The following ZNF275 variants were observed in gnomAD, a reference collection of about 807,000 sequenced individuals.
ZNF275 encodes the protein zinc finger protein 275.
ZNF275 carries 4 observed loss-of-function variants against 4.3 expected under a neutral mutation model. The observed-to-expected ratio is 0.93, with a 90% CI of 0.46 to 2.13. ZNF275 has a LOEUF of 2.13. Ranked by LOEUF, ZNF275 falls within the 30% of genes most tolerant of loss-of-function variation. The pLI, the probability that ZNF275 is intolerant of heterozygous loss-of-function variation, is 0.02. For synonymous variants in ZNF275, 173 were observed against 166.9 expected (o/e 1.04, Z -0.28); for missense variants, 352 against 397.1 (o/e 0.89, Z 0.97).
In ZNF275 at chrX:153,340,286, G is replaced by A. The variant is rs144446708; in HGVS notation, c.31+3576G>A. ...TGGGGCTAGATGAGGCCTTCTGCCC[G>A]CACTTCTTAGGTGCTGATAGCTTGC... On this transcript the variant is annotated intron_variant, in intron 2 of 3. Coordinates refer to ENST00000650114, the MANE Select transcript of ZNF275 (RefSeq NM_001367757.1). Among the ~76,000 whole-genome samples, 42 of 112,248 alleles carry A rather than the reference G, an allele frequency of 3.7e-4. No homozygotes were observed. The East Asian group carries it at 5.9e-3, about 16-fold the overall frequency.
At chrX:153,343,198 G>A (rs1286239241) in intron 2 of ZNF275, among the ~76,000 whole-genome samples, 1 of 112,171 alleles carries the variant, frequency 8.9e-6, no homozygotes, top group Admixed American at 9.3e-5. Context: ...GCAGCCAAAC[G>A]TGGAAGTTTC....
At chrX:153,335,718 T>G (rs925278560) in intron 1 of ZNF275, among the ~76,000 whole-genome samples, 1 of 109,788 alleles carries the variant, frequency 9.1e-6, no homozygotes, top group African/African-American at 3.3e-5. Flanking sequence ...ATTCTGAGAG[T>G]TGGAGAATCT....
chrX:153,350,920 A>G lies in ZNF275; in HGVS notation c.*2945A>G, dbSNP rs55805469. The stretch of plus-strand genomic sequence containing the variant: ...AAGTCTGGCACCTTTACCTAGAAGT[A>G]CTCTGCCATGTCTTGCCCGTTCATT... On this transcript the variant is annotated 3_prime_UTR_variant, in exon 4 of 4. Coordinates refer to ENST00000650114, the MANE Select transcript of ZNF275 (RefSeq NM_001367757.1). 8.1e-6 allele frequency: 1 copy of G among 122,985 alleles called. No individual in the cohort carries two copies. Among genetic ancestry groups the G allele is most frequent in the Non-Finnish European group, 1.9e-5 (1 of 53,128 alleles). 10.1% of individuals were successfully genotyped at this position (122,985 alleles called of 1,213,427 possible). A position where few individuals can be genotyped will look rare whatever the true frequency, so the allele number is the denominator to read the frequency against.
intron 2 of ZNF275, among the ~76,000 whole-genome samples, chrX:153,337,737 A>C (rs1293271176): frequency 1.8e-5 from 2 of 112,227 alleles, no homozygotes; most frequent in Non-Finnish European, 3.8e-5. Flanking sequence ...TCCAGTGTGC[A>C]ATTCACAGCT....
In ZNF275 at chrX:153,350,739, A is replaced by G. The variant is rs1052938200; in HGVS notation, c.*2764A>G. On this transcript the variant is annotated 3_prime_UTR_variant, in exon 4 of 4. Coordinates refer to ENST00000650114, the MANE Select transcript of ZNF275 (RefSeq NM_001367757.1). ...AGCCAAAAGCACTTGTTACATAGTG[A>G]TTCCTTTTGCCCTGTGGGCCTCAGT... The G allele has an allele frequency of 4.0e-5, 5 of 124,361 alleles. No homozygotes were observed. The Admixed American group carries it at 4.6e-4, about 12-fold the overall frequency. The allele number at this position is 124,361 out of a possible 1,213,427, so 10.2% of individuals were successfully genotyped here. A position where few individuals can be genotyped will look rare whatever the true frequency, so the allele number is the denominator to read the frequency against.
intron 2 of ZNF275, among the ~76,000 whole-genome samples, chrX:153,343,027 G>A (rs886301255): frequency 8.9e-6 from 1 of 112,402 alleles, no homozygotes; most frequent in East Asian, 2.8e-4. Context: ...CAGAGAGCTG[G>A]GGCAATGATA....
At chrX:153,338,765 G>A (rs782242755) in intron 2 of ZNF275, among the ~76,000 whole-genome samples, 77 of 105,126 alleles carry the variant, frequency 7.3e-4, no homozygotes, top group Non-Finnish European at 1.4e-3. Context: ...GGCATGTCTC[G>A]TTGTGCAGTG....
At position 153,348,282 on chromosome X, in the gene ZNF275, A is replaced by G. The variant is rs1315965441; in HGVS notation, c.*307A>G. 7.6e-6 allele frequency: 1 copy of G among 131,704 alleles called. No homozygotes were observed. Among genetic ancestry groups the G allele is most frequent in the Non-Finnish European group, 1.7e-5 (1 of 59,881 alleles). 10.9% of individuals were successfully genotyped at this position (131,704 alleles called of 1,213,427 possible). On this transcript the variant is annotated 3_prime_UTR_variant, in exon 4 of 4. Transcript: ENST00000650114. ...GGTAGGGAGGGGCTTAGAGGTCATC[A>G]ACTCCAAGCTCCCCCCGCCCCAGAG...
At chrX:153,341,178 C>T (rs969799129) in intron 2 of ZNF275, among the ~76,000 whole-genome samples, 2 of 112,449 alleles carry the variant, frequency 1.8e-5, no homozygotes, top group East Asian at 5.5e-4. Flanking sequence ...GCCTTTTGAT[C>T]GAAGTGTTTA....
At chrX:153,334,872 G>C in intron 1 of ZNF275, among the ~76,000 whole-genome samples, 1 of 22,708 alleles carries the variant, frequency 4.4e-5, no homozygotes, top group African/African-American at 4.2e-4. Context: ...GGGTGGGAGT[G>C]GGGGGGGGCG....
intron 2 of ZNF275, among the ~76,000 whole-genome samples, chrX:153,336,925 G>A (rs1284089600): frequency 9.8e-5 from 11 of 111,828 alleles, no homozygotes; most frequent in African/African-American, 3.3e-4. Context: ...AGATATTCAG[G>A]AAAGAGAATC....
chrX:153,345,708 G>C, intron 3 of ZNF275, 87 bp downstream of exon 3: 1 of 723,059 alleles, frequency 1.4e-6, no homozygotes, highest in Non-Finnish European at 2.1e-6. Flanking sequence ...GCCCAGCTGA[G>C]CTGTTAGGCT....
At position 153,351,963 on chromosome X, in the gene ZNF275, A is replaced by C. The variant is rs782738916; in HGVS notation, c.*3988A>C. On this transcript the variant is annotated 3_prime_UTR_variant, in exon 4 of 4. Coordinates refer to ENST00000650114, the MANE Select transcript of ZNF275 (RefSeq NM_001367757.1). ...CTGAACACCTGACCCAAGGGCAGCA[A>C]GCAATCATCAGAGCATAGAGCTGAC... The C allele has an allele frequency of 1.8e-5, 2 of 112,072 alleles. No individual in the cohort carries two copies. Among genetic ancestry groups the C allele is most frequent in the Non-Finnish European group, 3.8e-5 (2 of 53,246 alleles). 9.2% of individuals were successfully genotyped at this position (112,072 alleles called of 1,213,427 possible).
chrX:153,336,824 G>A, intron 2 of ZNF275, 114 bp downstream of exon 2: 1 of 787,174 alleles, frequency 1.3e-6, no homozygotes, highest in Non-Finnish European at 1.9e-6. Flanking sequence ...GGTTCCGGAA[G>A]CACTTATATT....
intron 2 of ZNF275, chrX:153,344,169 G>A (rs2088496527): frequency 3.0e-6 from 1 of 328,802 alleles, no homozygotes; most frequent in Admixed American, 3.1e-5. Flanking sequence ...GGAGCCCCAG[G>A]AAACCAGGTC....
rs942407602 is a variant in ZNF275 at position 153,348,057 on chromosome X, G to A, written c.*82G>A. The A allele has an allele frequency of 4.0e-6, 4 of 988,888 alleles. No individual in the cohort carries two copies. The highest frequency in any genetic ancestry group is 1.9e-5 in the African/African-American group (1 of 51,560). 81.5% of individuals were successfully genotyped at this position (988,888 alleles called of 1,213,427 possible). On this transcript the variant is annotated 3_prime_UTR_variant, in exon 4 of 4. Coordinates refer to ENST00000650114, the MANE Select transcript of ZNF275 (RefSeq NM_001367757.1). ...CAAAGGAGATGAACAGTTTTGTAGC[G>A]CTTATATATTTTGTCTTCCAAAAGG...
intron 2 of ZNF275, among the ~76,000 whole-genome samples, chrX:153,342,806 C>T (rs1602827330): frequency 8.9e-6 from 1 of 112,546 alleles, no homozygotes; most frequent in African/African-American, 3.2e-5. Context: ...GCCTAGTAGT[C>T]AGGAAAGACT....
intron 2 of ZNF275, among the ~76,000 whole-genome samples, chrX:153,340,341 G>A (rs5969962): frequency 9.0e-6 from 1 of 110,835 alleles, no homozygotes; most frequent in East Asian, 2.9e-4. Context: ...CACAACCCCA[G>A]GGGCCTGTCT....
Position 153,348,548 on chromosome X carries a change from C to A in ZNF275, c.*573C>A, listed in dbSNP as rs1347804023. 5 of 122,424 alleles carry A rather than the reference C, an allele frequency of 4.1e-5. No individual in the cohort carries two copies. Among genetic ancestry groups the A allele is most frequent in the Admixed American group, 9.6e-5 (1 of 10,447 alleles). The allele number at this position is 122,424 out of a possible 1,213,427, so 10.1% of individuals were successfully genotyped here. A position where few individuals can be genotyped will look rare whatever the true frequency, so the allele number is the denominator to read the frequency against. On this transcript the variant is annotated 3_prime_UTR_variant, in exon 4 of 4. Transcript: ENST00000650114. The stretch of plus-strand genomic sequence containing the variant: ...AAATACCCCATTTTTGCCACCCTCC[C>A]TTTCACGAAATCATTTTACTCTGAC...
Sources: allele counts gnomAD v4.1 joint callset (sites outside exome capture counted in the v4.1 genomes callset), GRCh38; gene constraint gnomAD v4.1.1; transcripts MANE v1.5; gene names NCBI Gene and HGNC (gene_info 2026-07-23, HGNC 2026-07-21).